ARHGEF4: variants seen among roughly 807,000 people sequenced by gnomAD.
ARHGEF4 encodes Rho guanine nucleotide exchange factor 4.
A neutral mutation model predicts 162.0 loss-of-function variants in ARHGEF4; 119 were observed. The observed-to-expected ratio is 0.73, with a 90% CI of 0.63 to 0.86. The LOEUF (loss-of-function observed/expected upper bound fraction) is 0.86, where lower values mean the gene tolerates loss of function less well. Among genes scored for constraint, ARHGEF4 ranks in the 40% least tolerant of loss-of-function variants. The pLI is 0.00. For synonymous variants in ARHGEF4, 1,014 were observed against 979.9 expected, an observed-to-expected ratio of 1.03 and a Z score of -0.65; for missense variants, 2,488 against 2,456.0, an observed-to-expected ratio of 1.01 and a Z score of -0.28.
At chr2:130,967,565 G>A (rs150777251) in intron 4 of ARHGEF4, among the ~76,000 whole-genome samples, 4 of 152,252 alleles carry the variant, frequency 2.6e-5, no homozygotes, top group South Asian at 2.1e-4. Flanking sequence ...ACATTCCCCC[G>A]CAGGCTTCTG....
chr2:130,995,895 T>TG (rs1558825672), intron 4 of ARHGEF4, among the ~76,000 whole-genome samples: 1 of 151,430 alleles, frequency 6.6e-6, no homozygotes, highest in Non-Finnish European at 1.5e-5. Flanking sequence ...CACCTTTTTT[T>TG]TTTTTTTTTT....
chr2:130,915,113 G>A lies in ARHGEF4; in HGVS notation c.1167G>A (p.Pro389=), dbSNP rs1272641431. The change falls in exon 2 of 14, where the codon CCG becomes CCA. Residue 389 remains proline (P), a synonymous_variant. Coordinates refer to ENST00000409359, the MANE Select transcript of ARHGEF4 (RefSeq NM_001367493.1). Reference sequence around the variant, plus strand: ...CTGCACCCACCCAGCTGTCTGGCCCGATTCCTGCTTTTCAGAGTGGGGCTC... The same window carrying A: ...CTGCACCCACCCAGCTGTCTGGCCCAATTCCTGCTTTTCAGAGTGGGGCTC... ...PSPAPTQLSG[P]IPAFQSGAPH... The A allele has an allele frequency of 5.8e-6, 9 of 1,550,564 alleles. No homozygotes were observed. The highest frequency in any genetic ancestry group is 2.0e-5 in the Admixed American group (1 of 50,986).
rs909262780 is a variant in ARHGEF4, at chr2:130,915,640, C to A, written c.1694C>A (p.Ser565Ter). The change falls in exon 2 of 14, where the codon TCA becomes TAA. Residue 565 changes from serine to a stop codon, truncating the protein, a stop_gained. Coordinates refer to ENST00000409359, the MANE Select transcript of ARHGEF4 (RefSeq NM_001367493.1). LOFTEE classifies it high-confidence loss of function. The part of the protein sequence containing the change: ...TTQKSSAIDT[S>*]KAAEEAMVLD... ...CAGAAATCAAGCGCAATAGACACTT[C>A]AAAGGCAGCCGAAGAAGCCATGGTT... 1 of 1,550,472 alleles carries A rather than the reference C, an allele frequency of 6.4e-7. No individual in the cohort carries two copies. Among genetic ancestry groups the A allele is most frequent in the East Asian group, 2.4e-5 (1 of 40,906 alleles).
At chr2:131,034,906 C>T (rs542261747) in intron 5 of ARHGEF4, 14 of 897,928 alleles carry the variant, frequency 1.6e-5, no homozygotes, top group African/African-American at 1.8e-5. Context: ...CCCGCACAGC[C>T]GGCTTGGTTG....
Position 131,046,428 on chromosome 2 carries a change from A to G in ARHGEF4, c.*239A>G, listed in dbSNP as rs1332843886. On this transcript the variant is annotated 3_prime_UTR_variant, in exon 14 of 14. Coordinates refer to ENST00000409359, the MANE Select transcript of ARHGEF4 (RefSeq NM_001367493.1). ...CCCGCACTCGCCACACCGCCGCTGC[A>G]GCTTGGGCCCCATCCGCCCTCTGGA... 1.1e-5 allele frequency: 6 copies of G among 535,348 alleles called. No individual in the cohort carries two copies. The highest frequency in any genetic ancestry group is 2.0e-5 in the Non-Finnish European group (6 of 300,934). The allele number at this position is 535,348 out of a possible 1,614,324, so 33.2% of individuals were successfully genotyped here. A position where few individuals can be genotyped will look rare whatever the true frequency, so the allele number is the denominator to read the frequency against.
Position 131,040,192 on chromosome 2 carries a change from G to A in ARHGEF4, c.4482G>A (p.Glu1494=). 1 of 1,609,808 alleles carries A rather than the reference G, an allele frequency of 6.2e-7. No homozygotes were observed. Among genetic ancestry groups the A allele is most frequent in the Non-Finnish European group, 8.5e-7 (1 of 1,177,396 alleles). The change falls in exon 7 of 14, where the codon GAG becomes GAA. Residue 1494 remains glutamate (E), a splice_region_variant and synonymous_variant. Coordinates refer to ENST00000409359, the MANE Select transcript of ARHGEF4 (RefSeq NM_001367493.1). ...TCAAGCACCTGCGCGACATCTGCGA[G>A]GTGAGGCCCGGCCGGCGGGCGGTGA... ...DYIKHLRDIC[E]GYVRQCRKRA...
At chr2:130,837,105 G>C in intron 1 of ARHGEF4, 113 bp downstream of exon 1, 1 of 1,019,450 alleles carries the variant, frequency 9.8e-7, no homozygotes, top group Non-Finnish European at 1.3e-6. Context: ...GGCACCCGGT[G>C]GGTGGGGACA....
intron 4 of ARHGEF4, among the ~76,000 whole-genome samples, chr2:131,022,911 C>T (rs1187880239): frequency 2.7e-5 from 4 of 149,628 alleles, no homozygotes; most frequent in African/African-American, 1.0e-4. Context: ...AGAAAATACT[C>T]GCAAACCTCT....
At position 131,013,136 on chromosome 2, in the gene ARHGEF4, AGCACAGGGCACGCC is replaced by A. The variant is rs545376560; in HGVS notation, c.3986-14805_3986-14792del. Reference sequence around the variant, plus strand: ...AAGAACTGCCAGCTTCAGAGGAGGAAGCACAGGGCACGCCGCAGTGTGGATAGAGGCCTGGTTGT... The same window carrying A: ...AAGAACTGCCAGCTTCAGAGGAGGAAGCAGTGTGGATAGAGGCCTGGTTGT... On this transcript the variant is annotated intron_variant, in intron 4 of 13. Coordinates refer to ENST00000409359, the MANE Select transcript of ARHGEF4 (RefSeq NM_001367493.1). Among the ~76,000 whole-genome samples, 178 of 152,338 alleles carry A rather than the reference AGCACAGGGCACGCC, an allele frequency of 1.2e-3. 1 individual carries two copies. Among genetic ancestry groups the A allele is most frequent in the African/African-American group, 4.0e-3 (166 of 41,582 alleles).
Position 130,916,221 on chromosome 2 carries a change from G to C in ARHGEF4, c.2275G>C (p.Ala759Pro). 1 of 1,542,736 alleles carries C rather than the reference G, an allele frequency of 6.5e-7. No individual in the cohort carries two copies. Among genetic ancestry groups the C allele is most frequent in the African/African-American group, 1.4e-5 (1 of 72,634 alleles). The change falls in exon 2 of 14, where the codon GCT becomes CCT. Residue 759 changes from alanine (A) to proline (P), a missense_variant. Around this residue, in one of 6 missense-constraint regions of ARHGEF4, gnomAD observed 1,642 missense variants for 1,481.5 expected, o/e 1.11. Transcript: ENST00000409359. ...CCCGGAGGAGGCCCCCGAAGGCGGT[G>C]CTGCAGCAGCCCGGGGCCAGCGCCC... ...RGPEEAPEGG[A>P]AAARGQRPRV...
intron 4 of ARHGEF4, chr2:130,964,113 C>T (rs1358761000): frequency 7.4e-6 from 7 of 943,932 alleles, no homozygotes; most frequent in African/African-American, 1.8e-5. Flanking sequence ...CTAGCAGCAG[C>T]AGCAGCGCCG....
chr2:130,838,624 A>AGAAG (rs534620505), intron 1 of ARHGEF4, among the ~76,000 whole-genome samples: 4 of 151,902 alleles, frequency 2.6e-5, no homozygotes, highest in Non-Finnish European at 4.4e-5. Flanking sequence ...GAAAAAGAAA[A>AGAAG]GAAGGAAGGA....
At chr2:130,899,146 A>G (rs1438210941) in intron 1 of ARHGEF4, among the ~76,000 whole-genome samples, 1 of 151,892 alleles carries the variant, frequency 6.6e-6, no homozygotes, top group African/African-American at 2.4e-5. Context: ...CAGCCAGGGT[A>G]CTCTCTTTAT....
chr2:130,878,659 G>A (rs534232016), intron 1 of ARHGEF4, among the ~76,000 whole-genome samples: 7 of 152,356 alleles, frequency 4.6e-5, no homozygotes, highest in South Asian at 2.1e-4. Context: ...CAGCACATAT[G>A]TGCAGGGATA....
intron 1 of ARHGEF4, among the ~76,000 whole-genome samples, chr2:130,881,940 G>T (rs1482477287): frequency 6.6e-6 from 1 of 152,090 alleles, no homozygotes; most frequent in Non-Finnish European, 1.5e-5. Flanking sequence ...TAGTCTGGGT[G>T]GTTGACACAG....
At chr2:131,000,345 T>G (rs567633105) in intron 4 of ARHGEF4, among the ~76,000 whole-genome samples, 1 of 152,372 alleles carries the variant, frequency 6.6e-6, no homozygotes, top group Non-Finnish European at 1.5e-5. Context: ...TAGCTAATAT[T>G]TTGTTCGGGA....
chr2:130,856,587 GAGAT>G (rs1382817894), intron 1 of ARHGEF4, among the ~76,000 whole-genome samples: 44 of 152,222 alleles, frequency 2.9e-4, no homozygotes, highest in African/African-American at 9.7e-4. Flanking sequence ...GTAATTATAA[GAGAT>G]AGAGCAATTG....
intron 4 of ARHGEF4, among the ~76,000 whole-genome samples, chr2:130,996,281 T>C (rs944429755): frequency 1.3e-5 from 2 of 152,238 alleles, no homozygotes; most frequent in Non-Finnish European, 2.9e-5. Flanking sequence ...TACCTGCCTG[T>C]GCCCGTTCCC....
intron 4 of ARHGEF4, among the ~76,000 whole-genome samples, chr2:130,975,476 A>G (rs931328016): frequency 3.0e-4 from 46 of 152,232 alleles, no homozygotes; most frequent in African/African-American, 1.1e-3. Context: ...CCAGGTACCA[A>G]AAAACTCGGG....
Sources: allele counts gnomAD v4.1 joint callset (sites outside exome capture counted in the v4.1 genomes callset), GRCh38; gene constraint gnomAD v4.1.1; regional missense constraint gnomAD v4.1.1; transcripts MANE v1.5; gene names NCBI Gene and HGNC (gene_info 2026-07-23, HGNC 2026-07-21).